Variants in SCLT1 observed in about 807,000 individuals in gnomAD.
The protein encoded by SCLT1 is sodium channel and clathrin linker 1, also known as sodium channel-associated protein 1.
A neutral mutation model predicts 112.8 loss-of-function variants in SCLT1; 78 were observed. The observed-to-expected ratio is 0.69, with a 90% CI of 0.58 to 0.83. SCLT1 has a LOEUF of 0.83. Ranked by LOEUF, SCLT1 falls within the 40% of genes least tolerant of loss-of-function variation. The pLI is 0.00. For missense variants in SCLT1, 747 were observed against 770.4 expected (o/e 0.97, Z 0.36); for synonymous variants, 257 against 254.7 (o/e 1.01, Z -0.09).
At position 128,953,347 on chromosome 4, in the gene SCLT1, T is replaced by A. The variant is rs141620960; in HGVS notation, c.1147-507A>T. On this transcript the variant is annotated intron_variant, in intron 13 of 20. Transcript: ENST00000281142. ...TAGAAGCTAGATTCTGATATCTCCTTCTGTATCAACCTATTGTGTTGTCAC... is the reference window on the plus strand; with the variant it reads ...TAGAAGCTAGATTCTGATATCTCCTACTGTATCAACCTATTGTGTTGTCAC... Among the ~76,000 whole-genome samples, 248 of 152,336 alleles carry A rather than the reference T, an allele frequency of 1.6e-3. 2 individuals are homozygous for A. Among genetic ancestry groups the A allele is most frequent in the East Asian group, 0.013 (70 of 5,186 alleles).
chr4:128,965,633 C>T (rs1740114686), intron 10 of SCLT1, among the ~76,000 whole-genome samples: 2 of 152,034 alleles, frequency 1.3e-5, no homozygotes, highest in Non-Finnish European at 2.9e-5. Context: ...AGATAATGTG[C>T]CTTTAGAATA....
At chr4:129,076,188 C>T (rs541006571) in intron 2 of SCLT1, among the ~76,000 whole-genome samples, 172 of 152,256 alleles carry the variant, frequency 1.1e-3, no homozygotes, top group African/African-American at 4.0e-3. Context: ...TTCTACAGAA[C>T]AGGGATCCTT....
In SCLT1 at chr4:129,039,115, G is replaced by C. The variant is rs1423101788; in HGVS notation, c.235-19C>G. On this transcript the variant is annotated intron_variant, in intron 4 of 20. Coordinates refer to ENST00000281142, the MANE Select transcript of SCLT1 (RefSeq NM_144643.4). ...CCTGTTTCTGAAAGAATAAAATATG[G>C]TGTGGCAATACATTTTGCAGACAAT... 6.4e-7 allele frequency: 1 copy of C among 1,565,698 alleles called. No homozygotes were observed. The highest frequency in any genetic ancestry group is 8.8e-7 in the Non-Finnish European group (1 of 1,137,290).
chr4:129,020,762 G>C (rs1325454405), intron 5 of SCLT1, among the ~76,000 whole-genome samples: 1 of 152,140 alleles, frequency 6.6e-6, no homozygotes, highest in African/African-American at 2.4e-5. Context: ...ACAGCAAAAA[G>C]ATCCAGGTAT....
At chr4:128,890,930 G>C (rs1361958958) in intron 19 of SCLT1, 129 bp downstream of exon 19, 5 of 615,174 alleles carry the variant, frequency 8.1e-6, no homozygotes, top group Non-Finnish European at 1.2e-5. Context: ...TGGGCTTTTA[G>C]GGTTATGGAT....
chr4:129,088,384 C>G (rs1433030048), intron 1 of SCLT1, among the ~76,000 whole-genome samples: 1 of 152,062 alleles, frequency 6.6e-6, no homozygotes, highest in African/African-American at 2.4e-5. Context: ...AACATAAGAA[C>G]GTCTATGAAA....
At chr4:128,875,340 A>C (rs1199436540) in intron 4 of SCLT1, 1 of 152,550 alleles carries the variant, frequency 6.6e-6, no homozygotes, top group Non-Finnish European at 1.5e-5. Context: ...AGAACTGTAG[A>C]GAACATATCA....
At chr4:129,006,021 TG>T (rs1298627919) in intron 5 of SCLT1, among the ~76,000 whole-genome samples, 3 of 60,694 alleles carry the variant, frequency 4.9e-5, no homozygotes, top group Non-Finnish European at 8.8e-5. Flanking sequence ...TGTTGTGGGG[TG>T]GGGGGAGGGG....
At chr4:129,067,953 T>C (rs1190047565) in intron 2 of SCLT1, among the ~76,000 whole-genome samples, 2 of 152,038 alleles carry the variant, frequency 1.3e-5, no homozygotes, top group East Asian at 3.8e-4. Flanking sequence ...CCGAGCAGTA[T>C]ACACTGCACC....
rs561288326 is a variant in SCLT1 at position 129,064,384 on chromosome 4, A to C, written c.102+17922T>G. On this transcript the variant is annotated intron_variant, in intron 2 of 20. Transcript: ENST00000281142. ...TTTATGGACCATGCTTGTGATATCA[A>C]AAATTCTTTTTCTAGCTCTAGATTC... Among the ~76,000 whole-genome samples, 169 of 152,266 alleles carry C rather than the reference A, an allele frequency of 1.1e-3. 2 individuals carry two copies. In the South Asian group the frequency reaches 0.018, roughly 17 times the overall value.
chr4:129,049,380 CA>C (rs1379496322), intron 2 of SCLT1, among the ~76,000 whole-genome samples: 1 of 149,126 alleles, frequency 6.7e-6, no homozygotes, highest in African/African-American at 2.5e-5. Flanking sequence ...ATCGCAAGGA[CA>C]AAAAACCAAA....
intron 2 of SCLT1, among the ~76,000 whole-genome samples, chr4:129,044,518 A>C (rs1364176534): frequency 2.6e-5 from 4 of 151,592 alleles, no homozygotes; most frequent in African/African-American, 7.3e-5. Flanking sequence ...AAATGTAATC[A>C]AAAAAAATCC....
intron 5 of SCLT1, among the ~76,000 whole-genome samples, chr4:129,014,125 T>C (rs1370727666): frequency 6.6e-6 from 1 of 152,224 alleles, no homozygotes; most frequent in Non-Finnish European, 1.5e-5. Context: ...GATTGCATTA[T>C]AAAATTATTG....
At chr4:128,944,813 TGAG>T (rs1217430072) in intron 16 of SCLT1, 2 of 152,182 alleles carry the variant, frequency 1.3e-5, no homozygotes, top group Non-Finnish European at 2.9e-5. Context: ...GAACTGATAC[TGAG>T]GAGAAGAACT....
rs538979359 is a variant in SCLT1 at position 129,002,830 on chromosome 4, TTGG to T, written c.426+908_426+910del. The stretch of plus-strand genomic sequence containing the variant: ...GAGAAATAGGAACACTTTTACACTG[TTGG>T]TGGGAGTGTAAATTAGCTCAACCAT... On this transcript the variant is annotated intron_variant, in intron 6 of 20. Coordinates refer to ENST00000281142, the MANE Select transcript of SCLT1 (RefSeq NM_144643.4). 4.8e-3 allele frequency among the ~76,000 whole-genome samples: 732 copies of T among 152,268 alleles called. 4 individuals carry two copies. Among genetic ancestry groups the T allele is most frequent in the African/African-American group, 0.017 (696 of 41,536 alleles).
chr4:129,044,770 T>A (rs1748022439), intron 2 of SCLT1, among the ~76,000 whole-genome samples: 1 of 132,744 alleles, frequency 7.5e-6, no homozygotes, highest in African/African-American at 2.8e-5. Flanking sequence ...AACTTGATCT[T>A]AAATAAATCC....
At chr4:128,942,818 T>C (rs1737814062) in intron 17 of SCLT1, among the ~76,000 whole-genome samples, 178 bp downstream of exon 17, 1 of 152,094 alleles carries the variant, frequency 6.6e-6, no homozygotes, top group Non-Finnish European at 1.5e-5. Context: ...TTTTCAAGTA[T>C]GCCTGCCAAG....
chr4:129,001,484 A>T (rs1306871350), intron 6 of SCLT1, among the ~76,000 whole-genome samples: 2 of 152,126 alleles, frequency 1.3e-5, no homozygotes, highest in Non-Finnish European at 1.5e-5. Context: ...TTTTTAAACT[A>T]TGTCAAATGT....
At chr4:128,932,030 C>T (rs1340423509) in intron 18 of SCLT1, among the ~76,000 whole-genome samples, 2 of 151,552 alleles carry the variant, frequency 1.3e-5, no homozygotes, top group African/African-American at 4.8e-5. Flanking sequence ...TGATTCAAGT[C>T]CTTTTCTTTC....
Sources: gnomAD v4.1 joint callset for allele counts (sites outside exome capture counted in the v4.1 genomes callset) on GRCh38, gnomAD v4.1.1 for gene constraint, MANE v1.5 for transcripts, NCBI Gene and HGNC (gene_info 2026-07-23, HGNC 2026-07-21) for gene names.